The following ARFGEF2 variants were observed in gnomAD, a reference collection of about 807,000 sequenced individuals.
ARFGEF2 encodes the protein ARF guanine nucleotide exchange factor 2.
A neutral mutation model predicts 219.9 loss-of-function variants in ARFGEF2; 74 were observed. The ratio of observed to expected loss-of-function variants is 0.34; its 90% CI spans 0.28 to 0.41. The LOEUF (loss-of-function observed/expected upper bound fraction) is 0.41. ARFGEF2 is among the 10% of genes least tolerant of loss of function. ARFGEF2 has a pLI of 1.00. For synonymous variants in ARFGEF2, 733 were observed against 799.2 expected (o/e 0.92, Z 1.40); for missense variants, 1,743 against 2,218.3 (o/e 0.79, Z 4.30).
intron 1 of ARFGEF2, among the ~76,000 whole-genome samples, chr20:48,927,542 G>A (rs1455743651): frequency 4.6e-5 from 7 of 151,982 alleles, no homozygotes; most frequent in Admixed American, 4.6e-4. Flanking sequence ...ACAAAAATTA[G>A]CTGGGCGTGG....
In ARFGEF2 at chr20:48,951,337, C is replaced by T. The variant is rs752428295; in HGVS notation, c.291C>T (p.Tyr97=). 24 of 1,613,980 alleles carry T rather than the reference C, an allele frequency of 1.5e-5. No homozygotes were observed. The highest frequency in any genetic ancestry group is 3.3e-4 in the Middle Eastern group (2 of 6,084). ...SLDCLQKLIA[Y]GHITGNAPDS... is the part of the protein sequence containing the mutation. ...TCTCTCTTTAGAAACTCATCGCATA[C>T]GGGCACATCACTGGCAACGCCCCTG... Residue 97 remains tyrosine, a synonymous_variant, in exon 4 of 39, where the codon TAC becomes TAT. Coordinates refer to ENST00000371917, the MANE Select transcript of ARFGEF2 (RefSeq NM_006420.3).
rs898687779 is a variant in ARFGEF2, at chr20:49,020,600, C to T, written c.4624+1602C>T. On this transcript the variant is annotated intron_variant, in intron 34 of 38. Transcript: ENST00000371917. ...AGCTGGGACTATAGGCATGTGCCAC[C>T]ACATTCGGCTAATTATTTTATTTTT... Among the ~76,000 whole-genome samples the T allele has an allele frequency of 2.6e-5, 4 of 152,164 alleles. No homozygotes were observed. The East Asian group carries it at 7.7e-4, about 29-fold the overall frequency.
At chr20:48,999,885 G>A in intron 25 of ARFGEF2, among the ~76,000 whole-genome samples, 1 of 152,000 alleles carries the variant, frequency 6.6e-6, no homozygotes, top group Admixed American at 6.5e-5. Flanking sequence ...CAAACCTGGT[G>A]GTGAAGAGTT....
intron 14 of ARFGEF2, among the ~76,000 whole-genome samples, chr20:48,983,074 C>T (rs571416986): frequency 3.5e-4 from 53 of 152,316 alleles, no homozygotes; most frequent in Non-Finnish European, 6.6e-4. Context: ...CCGTCTTCTG[C>T]GTCGATCACA....
chr20:49,022,344 T>G (rs1435948927), intron 34 of ARFGEF2, among the ~76,000 whole-genome samples: 1 of 151,776 alleles, frequency 6.6e-6, no homozygotes, highest in East Asian at 1.9e-4. Flanking sequence ...GGCAGATCGC[T>G]TGATATTGTG....
intron 25 of ARFGEF2, among the ~76,000 whole-genome samples, chr20:49,000,402 G>T (rs530229890): frequency 6.6e-6 from 1 of 152,332 alleles, no homozygotes; most frequent in Admixed American, 6.5e-5. Flanking sequence ...ATATATCAGG[G>T]TTATTGAGAA....
chr20:48,956,376 C>G (rs1365372084), intron 6 of ARFGEF2, among the ~76,000 whole-genome samples: 3 of 152,042 alleles, frequency 2.0e-5, no homozygotes, highest in African/African-American at 4.8e-5. Context: ...ACCAATAGAC[C>G]TGGACATCTG....
chr20:48,941,690 G>A (rs2090993933), intron 2 of ARFGEF2, among the ~76,000 whole-genome samples, 174 bp from the exon 3 acceptor site: 1 of 152,218 alleles, frequency 6.6e-6, no homozygotes, highest in South Asian at 2.1e-4. Context: ...CTTGCTCTCT[G>A]CATGTGGCAC....
chr20:48,950,977 C>G (rs979735550), intron 3 of ARFGEF2, among the ~76,000 whole-genome samples: 12 of 151,598 alleles, frequency 7.9e-5, no homozygotes, highest in African/African-American at 2.9e-4. Flanking sequence ...CGATCACTCC[C>G]TATGTCTCCC....
At chr20:49,022,940 C>T in intron 34 of ARFGEF2, 111 bp from the exon 35 acceptor site, 1 of 1,423,868 alleles carries the variant, frequency 7.0e-7, no homozygotes, top group Non-Finnish European at 9.8e-7. Context: ...CGTAGTGAGA[C>T]CCCATCTCTT....
intron 8 of ARFGEF2, 93 bp downstream of exon 8, chr20:48,966,116 A>G (rs1341670331): frequency 4.0e-6 from 6 of 1,489,828 alleles, no homozygotes; most frequent in East Asian, 4.7e-5. Flanking sequence ...AGCAACTAAA[A>G]TAAGCAAGCC....
chr20:48,992,461 C>T (rs1048966505), intron 21 of ARFGEF2, among the ~76,000 whole-genome samples: 1 of 152,126 alleles, frequency 6.6e-6, no homozygotes, highest in African/African-American at 2.4e-5. Flanking sequence ...CCACATGGCT[C>T]AGATTCAGAG....
intron 26 of ARFGEF2, among the ~76,000 whole-genome samples, 173 bp downstream of exon 26, chr20:49,005,394 A>T (rs1007381657): frequency 6.6e-6 from 1 of 152,148 alleles, no homozygotes; most frequent in African/African-American, 2.4e-5. Flanking sequence ...ACTAAAATCT[A>T]TGTGTAGCCT....
chr20:49,014,094 G>A (rs1351807956), intron 30 of ARFGEF2, 134 bp downstream of exon 30: 1 of 1,172,400 alleles, frequency 8.5e-7, no homozygotes, highest in Non-Finnish European at 1.3e-6. Context: ...TTTAAAAATG[G>A]AAACACCTTT....
At chr20:49,005,595 G>A (rs938928861) in intron 26 of ARFGEF2, among the ~76,000 whole-genome samples, 3 of 151,822 alleles carry the variant, frequency 2.0e-5, no homozygotes, top group African/African-American at 4.8e-5. Flanking sequence ...AAAATTAGCC[G>A]GGCATGGTGG....
rs1224407132 is a variant in ARFGEF2, at chr20:49,035,820, C to G, written c.*2621C>G. ...TTAGGGAAATCACCAGCTTTGGCAT[C>G]TTAACAACAAACAGTGGATGGGTAA... is the stretch of plus-strand genomic sequence containing the variant. On this transcript the variant is annotated 3_prime_UTR_variant, in exon 39 of 39. Coordinates refer to ENST00000371917, the MANE Select transcript of ARFGEF2 (RefSeq NM_006420.3). The G allele has an allele frequency of 1.0e-5, 2 of 192,348 alleles. No individual in the cohort carries two copies. Among genetic ancestry groups the G allele is most frequent in the East Asian group, 1.2e-4 (1 of 8,580 alleles). The allele number at this position is 192,348 out of a possible 1,614,324, so 11.9% of individuals were successfully genotyped here. A position where few individuals can be genotyped will look rare whatever the true frequency, so the allele number is the denominator to read the frequency against.
chr20:48,969,667 G>T (rs1421808860), intron 9 of ARFGEF2, among the ~76,000 whole-genome samples: 2 of 152,242 alleles, frequency 1.3e-5, no homozygotes, highest in African/African-American at 4.8e-5. Flanking sequence ...CGATACAGAT[G>T]TAAGCCCCAG....
chr20:48,975,316 G>A (rs1221129186), intron 13 of ARFGEF2, among the ~76,000 whole-genome samples: 7 of 152,136 alleles, frequency 4.6e-5, no homozygotes, highest in African/African-American at 1.7e-4. Context: ...CCAAAGCTCT[G>A]GGATTACAGA....
rs187412670 is a variant in ARFGEF2, at chr20:49,028,796, A to G, written c.5063+128A>G. On this transcript the variant is annotated intron_variant, in intron 37 of 38. Coordinates refer to ENST00000371917, the MANE Select transcript of ARFGEF2 (RefSeq NM_006420.3). ...CTCTGACAAATTTTTTTTTCTTTCTATTTGGTGACTCTCCCATTTCACTTT... is the reference window on the plus strand; with the variant it reads ...CTCTGACAAATTTTTTTTTCTTTCTGTTTGGTGACTCTCCCATTTCACTTT... The G allele has an allele frequency of 1.1e-3, 1,009 of 955,068 alleles. 2 individuals are homozygous for G. The highest frequency in any genetic ancestry group is 1.5e-3 in the Non-Finnish European group (916 of 625,152). The allele number at this position is 955,068 out of a possible 1,614,324, so 59.2% of individuals were successfully genotyped here. A position where few individuals can be genotyped will look rare whatever the true frequency, so the allele number is the denominator to read the frequency against.
Sources: gnomAD v4.1 joint callset for allele counts (sites outside exome capture counted in the v4.1 genomes callset) on GRCh38, gnomAD v4.1.1 for gene constraint, MANE v1.5 for transcripts, NCBI Gene and HGNC (gene_info 2026-07-23, HGNC 2026-07-21) for gene names.